Variants in PPM1L observed in about 807,000 individuals in gnomAD.
PPM1L encodes protein phosphatase 1L.
PPM1L carries 13 observed loss-of-function variants against 31.4 expected under a neutral mutation model. The observed-to-expected ratio is 0.41, with a 90% CI of 0.27 to 0.66. The LOEUF (loss-of-function observed/expected upper bound fraction) is 0.66, where lower values mean the gene tolerates loss of function less well. Ranked by LOEUF, PPM1L falls within the 30% of genes least tolerant of loss-of-function variation. PPM1L has a pLI of 0.29. For missense variants in PPM1L, 326 were observed against 453.7 expected, an observed-to-expected ratio of 0.72 and a Z score of 2.56; for synonymous variants, 184 against 175.4, an observed-to-expected ratio of 1.05 and a Z score of -0.39.
At chr3:160,936,517 A>C (rs2108083477) in intron 1 of PPM1L, among the ~76,000 whole-genome samples, 1 of 152,340 alleles carries the variant, frequency 6.6e-6, no homozygotes, top group African/African-American at 2.4e-5. Context: ...TAAGTGCATA[A>C]AGTTTCTCGG....
intron 2 of PPM1L, among the ~76,000 whole-genome samples, chr3:161,044,088 A>C (rs1228120801): frequency 6.6e-6 from 1 of 152,116 alleles, no homozygotes; most frequent in Admixed American, 6.5e-5. Context: ...CACCCAGGGT[A>C]GAGTGCAGTG....
chr3:160,944,748 A>G lies in PPM1L; in HGVS notation c.400-16988A>G, dbSNP rs1236533386. Among the ~76,000 whole-genome samples the G allele has an allele frequency of 3.4e-5, 3 of 87,922 alleles. 1 individual carries two copies. The highest frequency in any genetic ancestry group is 1.1e-4 in the African/African-American group (3 of 27,878). The allele number at this position is 87,922 out of a possible 152,430, so 57.7% of individuals were successfully genotyped here. A position where few individuals can be genotyped will look rare whatever the true frequency, so the allele number is the denominator to read the frequency against. ...TATATAACATGTTATATATTATATA[A>G]TATATATGTTATATATAACATGTTA... On this transcript the variant is annotated intron_variant, in intron 1 of 3. Coordinates refer to ENST00000498165, the MANE Select transcript of PPM1L (RefSeq NM_139245.4).
At chr3:160,970,787 ATTTTTT>A (rs71628437) in intron 2 of PPM1L, among the ~76,000 whole-genome samples, 3 of 97,198 alleles carry the variant, frequency 3.1e-5, no homozygotes, top group African/African-American at 4.5e-5. Flanking sequence ...TTCAGTTATA[ATTTTTT>A]TTTTTTTTTT....
chr3:160,933,229 A>G (rs776221861), intron 1 of PPM1L, among the ~76,000 whole-genome samples: 8 of 152,202 alleles, frequency 5.3e-5, no homozygotes, highest in Non-Finnish European at 8.8e-5. Context: ...AATGGCACAG[A>G]AAGCAATTTG....
In PPM1L at chr3:161,070,147, C is replaced by T. The variant is rs1163393405; in HGVS notation, c.*990C>T. ...ACCACCCTGAATTGAGCTCCAGCTG[C>T]CAGTTTTTGTGTTTTTCCTTGCCCC... On this transcript the variant is annotated 3_prime_UTR_variant, in exon 4 of 4. Transcript: ENST00000498165. 6.6e-6 allele frequency: 1 copy of T among 152,196 alleles called. No individual in the cohort carries two copies. The highest frequency in any genetic ancestry group is 2.4e-5 in the African/African-American group (1 of 41,410). 9.4% of individuals were successfully genotyped at this position (152,196 alleles called of 1,614,324 possible).
At chr3:160,926,169 C>G (rs545779533) in intron 1 of PPM1L, among the ~76,000 whole-genome samples, 1 of 152,182 alleles carries the variant, frequency 6.6e-6, no homozygotes, top group African/African-American at 2.4e-5. Flanking sequence ...CCCCTTTCCT[C>G]TAGCGTCTTT....
At chr3:160,931,319 T>C (rs1338474866) in intron 1 of PPM1L, among the ~76,000 whole-genome samples, 1 of 152,134 alleles carries the variant, frequency 6.6e-6, no homozygotes, top group Non-Finnish European at 1.5e-5. Context: ...CACTCAAAGG[T>C]TGGAGAAATT....
At chr3:160,964,963 A>G (rs1457636149) in intron 2 of PPM1L, among the ~76,000 whole-genome samples, 2 of 152,122 alleles carry the variant, frequency 1.3e-5, no homozygotes, top group Non-Finnish European at 2.9e-5. Flanking sequence ...GAAAATTGGT[A>G]GTAGTAGGCT....
intron 1 of PPM1L, among the ~76,000 whole-genome samples, chr3:160,933,170 T>G (rs2108080752): frequency 6.6e-6 from 1 of 152,334 alleles, no homozygotes; most frequent in Non-Finnish European, 1.5e-5. Context: ...TGCCTTGTAT[T>G]ATATGCCATT....
chr3:160,939,249 T>G (rs1715079343), intron 1 of PPM1L, among the ~76,000 whole-genome samples: 1 of 152,168 alleles, frequency 6.6e-6, no homozygotes, highest in Non-Finnish European at 1.5e-5. Context: ...ACGTACATAC[T>G]CTTCCCTCCA....
At chr3:160,999,933 G>A (rs112207542) in intron 2 of PPM1L, among the ~76,000 whole-genome samples, 14 of 152,320 alleles carry the variant, frequency 9.2e-5, no homozygotes, top group African/African-American at 3.1e-4. Flanking sequence ...TATTACGGCT[G>A]AAAATCTTGG....
At chr3:160,856,027 C>G (rs530416340) in intron 1 of PPM1L, among the ~76,000 whole-genome samples, 2 of 152,120 alleles carry the variant, frequency 1.3e-5, no homozygotes, top group East Asian at 3.9e-4. Flanking sequence ...GCTGAAGAAC[C>G]TGGAGTCTGA....
intron 1 of PPM1L, among the ~76,000 whole-genome samples, chr3:160,908,102 C>T (rs761725649): frequency 6.6e-6 from 1 of 152,174 alleles, no homozygotes; most frequent in Non-Finnish European, 1.5e-5. Flanking sequence ...CTGTGTTTGG[C>T]TATTAGCCTA....
At chr3:160,989,955 G>A (rs1717077645) in intron 2 of PPM1L, among the ~76,000 whole-genome samples, 2 of 151,012 alleles carry the variant, frequency 1.3e-5, no homozygotes, top group Non-Finnish European at 2.9e-5. Flanking sequence ...ATGAGCCAGT[G>A]CACCCAGCCA....
intron 2 of PPM1L, among the ~76,000 whole-genome samples, chr3:160,975,690 A>G (rs986999706): frequency 1.1e-4 from 17 of 152,190 alleles, no homozygotes; most frequent in Admixed American, 1.3e-4. Context: ...TTGTTAGTGT[A>G]TAAGAATGCT....
intron 1 of PPM1L, among the ~76,000 whole-genome samples, chr3:160,944,803 A>ATATATTATATATTT (rs752118269): frequency 1.7e-5 from 1 of 59,254 alleles, no homozygotes; most frequent in African/African-American, 5.6e-5. Context: ...TATATATAAC[A>ATATATTATATATTT]TATATAACAT....
chr3:160,943,425 C>T (rs1275178050), intron 1 of PPM1L, among the ~76,000 whole-genome samples: 1 of 152,180 alleles, frequency 6.6e-6, no homozygotes, highest in Non-Finnish European at 1.5e-5. Context: ...TGGAACTCTT[C>T]ATTCCCTGAT....
chr3:160,942,562 G>A (rs924749029), intron 1 of PPM1L, among the ~76,000 whole-genome samples: 2 of 152,156 alleles, frequency 1.3e-5, no homozygotes, highest in African/African-American at 4.8e-5. Context: ...CCATGACACT[G>A]AGTTTTTTAT....
intron 2 of PPM1L, among the ~76,000 whole-genome samples, chr3:161,060,943 C>T (rs1384239095): frequency 6.6e-6 from 1 of 150,544 alleles, no homozygotes; most frequent in Non-Finnish European, 1.5e-5. Context: ...TATCTCAGAA[C>T]TAATAGCCAG....
Sources: allele counts gnomAD v4.1 joint callset (sites outside exome capture counted in the v4.1 genomes callset), GRCh38; gene constraint gnomAD v4.1.1; transcripts MANE v1.5; gene names NCBI Gene and HGNC (gene_info 2026-07-23, HGNC 2026-07-21).